The following USP34 variants were observed in gnomAD, a reference collection of about 807,000 sequenced individuals.
USP34 encodes the protein ubiquitin specific peptidase 34.
USP34 carries 70 observed loss-of-function variants against 460.3 expected under a neutral mutation model. The ratio of observed to expected loss-of-function variants is 0.15; its 90% CI spans 0.13 to 0.19. USP34 has a LOEUF of 0.19. USP34 is among the 10% of genes least tolerant of loss of function. The pLI is 1.00. For synonymous variants in USP34, 1,647 were observed against 1,405.3 expected, an observed-to-expected ratio of 1.17 and a Z score of -3.85; for missense variants, 3,985 against 4,236.2, an observed-to-expected ratio of 0.94 and a Z score of 1.65.
At chr2:61,260,349 C>G (rs1688842469) in intron 43 of USP34, among the ~76,000 whole-genome samples, 1 of 152,126 alleles carries the variant, frequency 6.6e-6, no homozygotes, top group Non-Finnish European at 1.5e-5. Flanking sequence ...TAGGAAAGAT[C>G]CATATTCATG....
At chr2:61,403,411 CG>C in intron 3 of USP34, among the ~76,000 whole-genome samples, 1 of 152,108 alleles carries the variant, frequency 6.6e-6, no homozygotes, top group Non-Finnish European at 1.5e-5. Context: ...AAGTCCCTAA[CG>C]AAACTATTTT....
At chr2:61,395,475 A>G (rs143406872) in intron 3 of USP34, among the ~76,000 whole-genome samples, 1 of 152,338 alleles carries the variant, frequency 6.6e-6, no homozygotes, top group East Asian at 1.9e-4. Flanking sequence ...CTTATTAAAC[A>G]TTAAGTAATC....
chr2:61,241,725 A>G, intron 52 of USP34, 41 bp downstream of exon 52: 2 of 1,503,150 alleles, frequency 1.3e-6, no homozygotes, highest in Non-Finnish European at 1.8e-6. Flanking sequence ...ACAATGCAGA[A>G]GAAAAAACAA....
chr2:61,280,652 T>C lies in USP34; in HGVS notation c.5152-304A>G, dbSNP rs74676838. On this transcript the variant is annotated intron_variant, in intron 38 of 79. Coordinates refer to ENST00000398571, the MANE Select transcript of USP34 (RefSeq NM_014709.4). ...CTGAATTTCTGGGGTTAGTAAAAAG[T>C]GGGCTCTAAATTTATTATGTATTAG... 7.3e-3 allele frequency among the ~76,000 whole-genome samples: 1,113 copies of C among 152,260 alleles called. 10 individuals are homozygous for C. The highest frequency in any genetic ancestry group is 0.025 in the African/African-American group (1,059 of 41,570).
At chr2:61,242,217 G>A (rs72811466) in intron 51 of USP34, among the ~76,000 whole-genome samples, 5,453 of 152,180 alleles carry the variant, frequency 0.036, 149 homozygotes, top group Non-Finnish European at 0.055. Flanking sequence ...AATGAGGAAA[G>A]CATATTATTA....
At chr2:61,390,258 T>C (rs1693301379) in intron 5 of USP34, among the ~76,000 whole-genome samples, 1 of 152,188 alleles carries the variant, frequency 6.6e-6, no homozygotes, top group South Asian at 2.1e-4. Context: ...ATAAAAGGTG[T>C]TATGTATGAA....
chr2:61,188,326 T>C lies in USP34; in HGVS notation c.10417A>G (p.Ile3473Val), dbSNP rs552559192. 38 of 1,613,582 alleles carry C rather than the reference T, an allele frequency of 2.4e-5. No individual in the cohort carries two copies. The highest frequency in any genetic ancestry group is 4.5e-5 in the East Asian group (2 of 44,884). The change falls in exon 80 of 80, where the codon ATC becomes GTC. Residue 3473 changes from isoleucine to valine, a missense_variant. Ile to Val is a conservative substitution (Grantham distance 29, BLOSUM62 3). Transcript: ENST00000398571. ...GCTAAGTCAGACAGAACTGCAGAGATAGAAGTAGAAGGGAACTCAGATTCT... is the reference window on the plus strand; with the variant it reads ...GCTAAGTCAGACAGAACTGCAGAGACAGAAGTAGAAGGGAACTCAGATTCT... Reference protein sequence around the residue: ...EEESEFPSTSISAVLSDLADL... With the variant: ...EEESEFPSTSVSAVLSDLADL...
intron 1 of USP34, 61 bp from the exon 2 acceptor site, chr2:61,420,894 G>A (rs975648048): frequency 8.0e-7 from 1 of 1,247,244 alleles, no homozygotes; most frequent in Non-Finnish European, 1.1e-6. Flanking sequence ...AAAGCCAACA[G>A]TTCAAAATAA....
rs575118407 is a variant in USP34, at chr2:61,311,761, C to T, written c.3669+23G>A. 8.1e-6 allele frequency: 13 copies of T among 1,610,402 alleles called. No individual in the cohort carries two copies. In the Admixed American group the frequency reaches 1.5e-4, roughly 19 times the overall value. ...TTGACCTGGGAAATGTTATCAACTT[C>T]GAAATTAAAACTATGTAAGTACCTT... is the stretch of plus-strand genomic sequence containing the variant. On this transcript the variant is annotated intron_variant, in intron 26 of 79. Coordinates refer to ENST00000398571, the MANE Select transcript of USP34 (RefSeq NM_014709.4).
chr2:61,454,439 G>A (rs1285174719), intron 1 of USP34, among the ~76,000 whole-genome samples: 2 of 151,440 alleles, frequency 1.3e-5, no homozygotes, highest in African/African-American at 4.9e-5. Context: ...TTTGTTTGTT[G>A]TTTTGTTTTT....
At chr2:61,425,313 A>G (rs1305273264) in intron 1 of USP34, among the ~76,000 whole-genome samples, 1 of 152,244 alleles carries the variant, frequency 6.6e-6, no homozygotes, top group Non-Finnish European at 1.5e-5. Flanking sequence ...AAATCAGGTG[A>G]GTACTCATAG....
At chr2:61,341,401 C>G (rs762539754) in intron 16 of USP34, among the ~76,000 whole-genome samples, 1 of 152,102 alleles carries the variant, frequency 6.6e-6, no homozygotes, top group Non-Finnish European at 1.5e-5. Flanking sequence ...TTGTCCCCTC[C>G]AAATCTCATG....
In USP34 at chr2:61,188,927, T is replaced by C. The variant is rs1572818355; in HGVS notation, c.10016A>G (p.Lys3339Arg). 6.2e-7 allele frequency: 1 copy of C among 1,614,220 alleles called. No individual in the cohort carries two copies. Among genetic ancestry groups the C allele is most frequent in the Non-Finnish European group, 8.5e-7 (1 of 1,180,042 alleles). ...AAGCTAACCTTTAGTTTTTCTTTCT[T>C]TGGCTTCTTGCTCTTGGAGTGAGTT... ...QRNSLQEQEA[K>R]ERKTKDDEGA... The change falls in exon 79 of 80, where the codon AAA (lysine) becomes AGA (arginine). Residue 3339 changes from lysine to arginine, a missense_variant. Lys to Arg is a conservative substitution (Grantham distance 26). This residue lies in a region of USP34 where 506 missense variants were observed against 439.0 expected (regional missense o/e 1.15). Transcript: ENST00000398571.
intron 68 of USP34, 21 bp downstream of exon 68, chr2:61,214,039 A>G (rs1687338370): frequency 6.2e-7 from 1 of 1,613,244 alleles, no homozygotes; most frequent in African/African-American, 1.3e-5. Context: ...ATACAGATAA[A>G]AGAGTATCAA....
intron 2 of USP34, among the ~76,000 whole-genome samples, chr2:61,419,832 C>A (rs531309552): frequency 6.6e-6 from 1 of 152,176 alleles, no homozygotes; most frequent in Non-Finnish European, 1.5e-5. Flanking sequence ...TCTAGTCCAT[C>A]CCTAATGCAA....
chr2:61,291,339 G>T (rs13010628), intron 33 of USP34, among the ~76,000 whole-genome samples: 25,069 of 152,152 alleles, frequency 0.16, 2,510 homozygotes, highest in Middle Eastern at 0.24. Context: ...CTCACACATT[G>T]CTGGTAGAAA....
chr2:61,360,304 CACA>C (rs1169689718), intron 10 of USP34, among the ~76,000 whole-genome samples: 1 of 151,968 alleles, frequency 6.6e-6, no homozygotes, highest in Non-Finnish European at 1.5e-5. Flanking sequence ...CTTACAACTC[CACA>C]ACAACAGAAA....
chr2:61,468,838 A>C (rs1695862154), intron 1 of USP34, among the ~76,000 whole-genome samples: 1 of 152,210 alleles, frequency 6.6e-6, no homozygotes, highest in Admixed American at 6.5e-5. Context: ...ATTATGATCA[A>C]GATGCCACCT....
chr2:61,368,129 T>C (rs969253049), intron 10 of USP34, among the ~76,000 whole-genome samples: 3 of 152,100 alleles, frequency 2.0e-5, no homozygotes, highest in Admixed American at 2.0e-4. Flanking sequence ...CCATGGACAA[T>C]ATGTAAAAGA....
Sources: gnomAD v4.1 joint callset for allele counts (sites outside exome capture counted in the v4.1 genomes callset) on GRCh38, gnomAD v4.1.1 for gene constraint, gnomAD v4.1.1 regional missense constraint, MANE v1.5 for transcripts, NCBI Gene and HGNC (gene_info 2026-07-23, HGNC 2026-07-21) for gene names.